The following MCTP2 variants were observed in gnomAD, a reference collection of about 807,000 sequenced individuals.
The protein encoded by MCTP2 is multiple C2 and transmembrane domain containing 2, also known as multiple C2 and transmembrane domain-containing protein 2.
A neutral mutation model predicts 111.6 loss-of-function variants in MCTP2; 132 were observed. The observed-to-expected ratio is 1.18, with a 90% confidence interval of 1.03 to 1.37. The LOEUF (loss-of-function observed/expected upper bound fraction) is 1.37, where lower values mean the gene tolerates loss of function less well. Among genes scored for constraint, MCTP2 ranks in the 40% most tolerant of loss-of-function variants. The pLI, the probability that MCTP2 is intolerant of heterozygous loss-of-function variation, is 0.00. For missense variants in MCTP2, 1,183 were observed against 1,067.9 expected (o/e 1.11, Z -1.50); for synonymous variants, 395 against 387.7 (o/e 1.02, Z -0.22).
At chr15:94,236,886 T>C (rs1481194536) in intron 1 of MCTP2, among the ~76,000 whole-genome samples, 1 of 151,954 alleles carries the variant, frequency 6.6e-6, no homozygotes, top group Non-Finnish European at 1.5e-5. Flanking sequence ...CTTAGGGAAG[T>C]GGAGGTGCGG....
intron 8 of MCTP2, among the ~76,000 whole-genome samples, chr15:94,349,234 A>G (rs1023194524): frequency 5.9e-5 from 9 of 152,264 alleles, no homozygotes; most frequent in African/African-American, 2.2e-4. Context: ...AGGTGAAGCT[A>G]TCAATTTATC....
intron 1 of MCTP2, among the ~76,000 whole-genome samples, chr15:94,267,889 A>G (rs1486893949): frequency 3.5e-3 from 5 of 1,422 alleles, no homozygotes; most frequent in Admixed American, 6.7e-3. Flanking sequence ...TTTTTGAGAC[A>G]GAGTCTTGCT....
chr15:94,235,018 G>T (rs1164013426), intron 1 of MCTP2, among the ~76,000 whole-genome samples: 1 of 152,116 alleles, frequency 6.6e-6, no homozygotes, highest in Non-Finnish European at 1.5e-5. Context: ...TTGGGAGGCC[G>T]AGTTGGGTGG....
chr15:94,424,683 C>T (rs1189932583), intron 17 of MCTP2, among the ~76,000 whole-genome samples: 1 of 152,172 alleles, frequency 6.6e-6, no homozygotes, highest in African/African-American at 2.4e-5. Context: ...CCATCAGCAT[C>T]AAATGAAAGT....
chr15:94,316,768 T>C (rs2076395170), intron 4 of MCTP2, among the ~76,000 whole-genome samples: 1 of 152,184 alleles, frequency 6.6e-6, no homozygotes, highest in South Asian at 2.1e-4. Context: ...AATATATCTG[T>C]TTTTTTCTTT....
chr15:94,413,385 T>C (rs1486535085), intron 17 of MCTP2, among the ~76,000 whole-genome samples: 1 of 152,218 alleles, frequency 6.6e-6, no homozygotes, highest in East Asian at 1.9e-4. Context: ...AGATCCAGAT[T>C]ACTGCCCAGT....
intron 4 of MCTP2, among the ~76,000 whole-genome samples, chr15:94,324,525 T>C (rs2076772038): frequency 6.6e-6 from 1 of 152,236 alleles, no homozygotes; most frequent in Non-Finnish European, 1.5e-5. Flanking sequence ...TGGTCTTTTT[T>C]GATGCGAGTT....
At chr15:94,415,756 A>C (rs2082344039) in intron 17 of MCTP2, among the ~76,000 whole-genome samples, 1 of 152,078 alleles carries the variant, frequency 6.6e-6, no homozygotes, top group Admixed American at 6.6e-5. Context: ...GTAAACTTCA[A>C]ATGATACACA....
chr15:94,297,204 C>A (rs533083952), intron 1 of MCTP2, among the ~76,000 whole-genome samples: 28 of 152,166 alleles, frequency 1.8e-4, no homozygotes, highest in Non-Finnish European at 3.2e-4. Flanking sequence ...AGGGTTATTT[C>A]TGCAAATTTG....
chr15:94,303,105 A>ATATATATAGTT (rs2075713914), intron 2 of MCTP2, among the ~76,000 whole-genome samples: 1 of 133,044 alleles, frequency 7.5e-6, no homozygotes, highest in Non-Finnish European at 1.6e-5. Context: ...TATAGTTTAT[A>ATATATATAGTT]TATATATATA....
At chr15:94,340,661 C>G (rs1470685632) in intron 6 of MCTP2, 152 bp from the exon 7 acceptor site, 3 of 555,512 alleles carry the variant, frequency 5.4e-6, no homozygotes, top group African/African-American at 1.9e-5. Context: ...CTGAATATAA[C>G]TGTTTTATTT....
chr15:94,339,923 A>G (rs2077546269), intron 5 of MCTP2, among the ~76,000 whole-genome samples: 1 of 152,210 alleles, frequency 6.6e-6, no homozygotes, highest in Admixed American at 6.5e-5. Context: ...ACTACAGAGA[A>G]TGGTCCATTG....
chr15:94,390,108 A>ACG lies in MCTP2; in HGVS notation c.1788+4583_1788+4584insCG, dbSNP rs1567603373. Among the ~76,000 whole-genome samples, 206 of 33,472 alleles carry ACG rather than the reference A, an allele frequency of 6.2e-3. 3 individuals are homozygous for ACG. The highest frequency in any genetic ancestry group is 0.015 in the Middle Eastern group (1 of 68). The allele number at this position is 33,472 out of a possible 152,430, so 22.0% of individuals were successfully genotyped here. ...TATATATGTATATATATATATATAT[A>ACG]TATATGTATATATATATATATATAC... On this transcript the variant is annotated intron_variant, in intron 14 of 22. Coordinates refer to ENST00000357742, the MANE Select transcript of MCTP2 (RefSeq NM_001385001.1).
chr15:94,393,369 G>T (rs1159356869), intron 14 of MCTP2, among the ~76,000 whole-genome samples: 1 of 152,178 alleles, frequency 6.6e-6, no homozygotes, highest in Non-Finnish European at 1.5e-5. Flanking sequence ...CTTGAAGGAT[G>T]AAGTCATTGA....
intron 2 of MCTP2, among the ~76,000 whole-genome samples, chr15:94,302,740 G>A (rs750050897): frequency 6.6e-6 from 1 of 152,184 alleles, no homozygotes; most frequent in Non-Finnish European, 1.5e-5. Flanking sequence ...CCAAACATCT[G>A]TGAATAATGG....
At chr15:94,301,748 GATA>G (rs1430192255) in intron 2 of MCTP2, among the ~76,000 whole-genome samples, 2 of 151,696 alleles carry the variant, frequency 1.3e-5, no homozygotes, top group South Asian at 2.1e-4. Flanking sequence ...TATTTTATAT[GATA>G]ATTGAAATTA....
At chr15:94,426,903 C>T (rs2082921146) in intron 17 of MCTP2, among the ~76,000 whole-genome samples, 1 of 151,834 alleles carries the variant, frequency 6.6e-6, no homozygotes, top group Non-Finnish European at 1.5e-5. Flanking sequence ...CCATGCCTAG[C>T]CCTTTTTGGA....
chr15:94,397,515 G>A (rs1443361172), intron 14 of MCTP2, among the ~76,000 whole-genome samples: 2 of 152,232 alleles, frequency 1.3e-5, no homozygotes, highest in Non-Finnish European at 2.9e-5. Flanking sequence ...TGTGTATCAA[G>A]GCGGAAGCTC....
At chr15:94,234,851 A>G (rs898354301) in intron 1 of MCTP2, among the ~76,000 whole-genome samples, 6 of 152,152 alleles carry the variant, frequency 3.9e-5, no homozygotes, top group Non-Finnish European at 5.9e-5. Flanking sequence ...AGGCTTGCAT[A>G]GAGATGCCAC....
Sources: gnomAD v4.1 joint callset for allele counts (sites outside exome capture counted in the v4.1 genomes callset) on GRCh38, gnomAD v4.1.1 for gene constraint, MANE v1.5 for transcripts, NCBI Gene and HGNC (gene_info 2026-07-23, HGNC 2026-07-21) for gene names.